RTF2: variants seen among roughly 807,000 people sequenced by gnomAD.
RTF2 encodes the protein UPF0549 protein C20orf43.
RTF2 carries 18 observed loss-of-function variants against 38.0 expected under a neutral mutation model. The observed-to-expected ratio is 0.47, with a 90% CI of 0.33 to 0.70. The LOEUF is 0.70. RTF2 is among the 30% of genes least tolerant of loss of function. The pLI is 0.02. For missense variants in RTF2, 311 were observed against 379.6 expected (o/e 0.82, Z 1.50); for synonymous variants, 126 against 137.1 (o/e 0.92, Z 0.57).
At chr20:56,499,893 C>T (rs775958105) in intron 5 of RTF2, among the ~76,000 whole-genome samples, 3 of 151,920 alleles carry the variant, frequency 2.0e-5, no homozygotes, top group Non-Finnish European at 4.4e-5. Flanking sequence ...TGTGCCACCA[C>T]GCTAGCTAAT....
At chr20:56,498,842 G>A (rs1024851313) in intron 5 of RTF2, among the ~76,000 whole-genome samples, 8 of 152,212 alleles carry the variant, frequency 5.3e-5, no homozygotes, top group African/African-American at 9.6e-5. Context: ...GACCATGTAC[G>A]TGTGACTGGT....
At chr20:56,513,578 C>G (rs1431457345) in intron 6 of RTF2, 150 bp downstream of exon 6, 4 of 977,360 alleles carry the variant, frequency 4.1e-6, no homozygotes, top group Non-Finnish European at 5.9e-6. Context: ...AAGCAGATTC[C>G]AGCTGAGGCC....
chr20:56,477,662 C>T (rs6092319), intron 4 of RTF2, among the ~76,000 whole-genome samples: 70 of 151,902 alleles, frequency 4.6e-4, no homozygotes, highest in South Asian at 2.1e-4. Flanking sequence ...GGATTGTAGG[C>T]GTAAGCCACC....
intron 5 of RTF2, among the ~76,000 whole-genome samples, chr20:56,487,445 G>A (rs1342342281): frequency 1.3e-5 from 2 of 152,194 alleles, no homozygotes; most frequent in Non-Finnish European, 2.9e-5. Context: ...AGCGAGCGTA[G>A]GCTCCTCCCG....
At chr20:56,491,217 G>C (rs1983105147) in intron 5 of RTF2, among the ~76,000 whole-genome samples, 1 of 152,156 alleles carries the variant, frequency 6.6e-6, no homozygotes. Context: ...GTAGTATCTG[G>C]GTCTTCAAAA....
At chr20:56,487,958 G>A (rs1445353745) in intron 5 of RTF2, among the ~76,000 whole-genome samples, 1 of 152,178 alleles carries the variant, frequency 6.6e-6, no homozygotes, top group African/African-American at 2.4e-5. Context: ...TGCATTGACT[G>A]TGTTTCCCAA....
intron 1 of RTF2, among the ~76,000 whole-genome samples, chr20:56,472,722 G>A (rs962480187): frequency 6.6e-6 from 1 of 151,674 alleles, no homozygotes; most frequent in Non-Finnish European, 1.5e-5. Flanking sequence ...AGATTCAGAT[G>A]TTAATATTTG....
intron 5 of RTF2, among the ~76,000 whole-genome samples, chr20:56,487,859 C>A (rs1014332610): frequency 6.6e-6 from 1 of 152,230 alleles, no homozygotes; most frequent in African/African-American, 2.4e-5. Context: ...TCATGTCTGT[C>A]TTTGTGTCCA....
intron 5 of RTF2, among the ~76,000 whole-genome samples, chr20:56,512,908 T>C (rs11699551): frequency 0.37 from 56,748 of 151,896 alleles, 11,258 homozygotes; most frequent in Non-Finnish European, 0.44. Flanking sequence ...GTACCCAGAG[T>C]TTTGGCTGAG....
At chr20:56,479,207 G>T (rs1449773173) in intron 4 of RTF2, among the ~76,000 whole-genome samples, 1 of 152,036 alleles carries the variant, frequency 6.6e-6, no homozygotes, top group African/African-American at 2.4e-5. Context: ...ATGAATCACA[G>T]ATTTTTTTTG....
At chr20:56,472,944 A>G (rs1364433094) in intron 1 of RTF2, among the ~76,000 whole-genome samples, 1 of 152,114 alleles carries the variant, frequency 6.6e-6, no homozygotes, top group Non-Finnish European at 1.5e-5. Flanking sequence ...GTTTGGGGGC[A>G]GCATGGCAAA....
chr20:56,513,116 T>C (rs1984792160), intron 5 of RTF2, among the ~76,000 whole-genome samples, 199 bp from the exon 6 acceptor site: 1 of 152,142 alleles, frequency 6.6e-6, no homozygotes, highest in South Asian at 2.1e-4. Context: ...GCCTTGCAAG[T>C]GATAGCACTC....
At chr20:56,495,815 G>A (rs746405020) in intron 5 of RTF2, among the ~76,000 whole-genome samples, 1 of 152,202 alleles carries the variant, frequency 6.6e-6, no homozygotes, top group Non-Finnish European at 1.5e-5. Flanking sequence ...ATAGAAGCCA[G>A]TCCACCTTTT....
intron 1 of RTF2, chr20:56,470,835 C>G (rs1981923327): frequency 2.8e-6 from 1 of 357,866 alleles, no homozygotes; most frequent in Admixed American, 3.4e-5. Flanking sequence ...AGGAGAGTTA[C>G]CCCAACTCCA....
At chr20:56,487,822 C>T (rs1235872111) in intron 5 of RTF2, among the ~76,000 whole-genome samples, 1 of 152,232 alleles carries the variant, frequency 6.6e-6, no homozygotes, top group Non-Finnish European at 1.5e-5. Flanking sequence ...AGACGGCCTT[C>T]GCCCTGTTCA....
rs563403972 is a variant in RTF2, at chr20:56,483,427, A to G, written c.399-684A>G. Among the ~76,000 whole-genome samples, 3 of 151,790 alleles carry G rather than the reference A, an allele frequency of 2.0e-5. No individual in the cohort carries two copies. The South Asian group carries it at 6.2e-4, about 32-fold the overall frequency. ...CAGTGGCGCTATCATAGCTCAGGCC[A>G]TCCTCCCACCTCAGCCTCCCTAGTA... On this transcript the variant is annotated intron_variant, in intron 4 of 8. Coordinates refer to ENST00000357348, the MANE Select transcript of RTF2 (RefSeq NM_016407.5).
At chr20:56,495,171 CT>C in intron 5 of RTF2, 2 of 1,485,610 alleles carry the variant, frequency 1.3e-6, no homozygotes, top group Non-Finnish European at 9.2e-7. Context: ...AATTTGAAGC[CT>C]TTTTTGTTTT....
intron 5 of RTF2, among the ~76,000 whole-genome samples, chr20:56,502,277 A>G (rs76762231): frequency 6.6e-6 from 1 of 152,144 alleles, no homozygotes; most frequent in African/African-American, 2.4e-5. Context: ...TTTACATTTT[A>G]TGTTTTTGTC....
chr20:56,478,334 A>T (rs1383462826), intron 4 of RTF2, among the ~76,000 whole-genome samples: 4 of 151,626 alleles, frequency 2.6e-5, no homozygotes, highest in Non-Finnish European at 4.4e-5. Flanking sequence ...ACGAAACAAA[A>T]TTTTTTTTTA....
Sources: gnomAD v4.1 joint callset for allele counts (sites outside exome capture counted in the v4.1 genomes callset) on GRCh38, gnomAD v4.1.1 for gene constraint, MANE v1.5 for transcripts, NCBI Gene and HGNC (gene_info 2026-07-23, HGNC 2026-07-21) for gene names.